TRPC7: variants seen among roughly 807,000 people sequenced by gnomAD.
TRPC7 encodes the protein short transient receptor potential channel 7.
TRPC7 carries 42 observed loss-of-function variants against 90.1 expected under a neutral mutation model. The observed-to-expected ratio is 0.47, with a 90% CI of 0.36 to 0.60. TRPC7 has a LOEUF of 0.60. Ranked by LOEUF, TRPC7 falls within the 20% of genes least tolerant of loss-of-function variation. The pLI is 0.00. For missense variants in TRPC7, 955 were observed against 1,112.3 expected (o/e 0.86, Z 2.01); for synonymous variants, 451 against 436.3 (o/e 1.03, Z -0.42).
intron 2 of TRPC7, among the ~76,000 whole-genome samples, chr5:136,351,080 A>G (rs1355295114): frequency 6.6e-6 from 1 of 152,234 alleles, no homozygotes; most frequent in Non-Finnish European, 1.5e-5. Flanking sequence ...TGTAAATGCT[A>G]TGTGAATAGT....
chr5:136,222,154 A>G (rs1465941112), intron 10 of TRPC7: 1 of 148,528 alleles, frequency 6.7e-6, no homozygotes, highest in Non-Finnish European at 1.5e-5. Context: ...CTGGAGCCTA[A>G]GGAAAAAAAA....
intron 2 of TRPC7, among the ~76,000 whole-genome samples, chr5:136,330,930 G>A (rs1580963554): frequency 6.6e-6 from 1 of 152,182 alleles, no homozygotes; most frequent in African/African-American, 2.4e-5. Flanking sequence ...AGCCCCAGCT[G>A]CTATCACTGT....
intron 3 of TRPC7, among the ~76,000 whole-genome samples, chr5:136,303,218 T>C (rs13182581): frequency 0.67 from 101,701 of 151,998 alleles, 34,998 homozygotes; most frequent in African/African-American, 0.85. Flanking sequence ...ATATAAAAAT[T>C]CAGCCCAGTT....
At chr5:136,341,103 C>A (rs1386730281) in intron 2 of TRPC7, among the ~76,000 whole-genome samples, 1 of 152,070 alleles carries the variant, frequency 6.6e-6, no homozygotes, top group Non-Finnish European at 1.5e-5. Context: ...GCTCTTTGAC[C>A]CAGCGACTCC....
intron 4 of TRPC7, among the ~76,000 whole-genome samples, chr5:136,268,518 T>TA (rs775698918): frequency 1.9e-4 from 29 of 152,202 alleles, no homozygotes; most frequent in Admixed American, 4.6e-4. Flanking sequence ...ATATGGGGTA[T>TA]ACCTCTCCAA....
Position 136,365,323 on chromosome 5 carries a change from T to G in TRPC7, c.-69A>C, listed in dbSNP as rs994190684. On this transcript the variant is annotated 5_prime_UTR_variant, in exon 1 of 12. Transcript: ENST00000513104. ...AATCCGGTGTTGAGTCGCCAGAAGC[T>G]GGCTCCCCATGGGTGGTAGCCAAGG... The G allele has an allele frequency of 1.1e-5, 16 of 1,498,104 alleles. No individual in the cohort carries two copies. Among genetic ancestry groups the G allele is most frequent in the Non-Finnish European group, 1.4e-5 (16 of 1,111,400 alleles). The allele number at this position is 1,498,104 out of a possible 1,614,324, so 92.8% of individuals were successfully genotyped here. A position where few individuals can be genotyped will look rare whatever the true frequency, so the allele number is the denominator to read the frequency against.
At chr5:136,298,096 C>A (rs1472578226) in intron 3 of TRPC7, among the ~76,000 whole-genome samples, 3 of 152,136 alleles carry the variant, frequency 2.0e-5, no homozygotes. Context: ...AGACAATAAA[C>A]AAGTAAACAA....
intron 5 of TRPC7, among the ~76,000 whole-genome samples, chr5:136,264,882 T>C (rs180766523): frequency 6.6e-6 from 1 of 152,292 alleles, no homozygotes; most frequent in East Asian, 1.9e-4. Flanking sequence ...TGAGCCACTG[T>C]GCCTGGCCGG....
intron 7 of TRPC7, among the ~76,000 whole-genome samples, chr5:136,240,432 T>A (rs183665514): frequency 3.9e-5 from 6 of 152,296 alleles, no homozygotes; most frequent in African/African-American, 1.4e-4. Context: ...CCACTTGGCA[T>A]AGAGTAGTTG....
intron 5 of TRPC7, 62 bp from the exon 6 acceptor site, chr5:136,251,944 A>C: frequency 1.6e-5 from 21 of 1,279,722 alleles, no homozygotes; most frequent in Non-Finnish European, 2.0e-5. Context: ...TGACCGCATG[A>C]GGTCATGGAG....
intron 2 of TRPC7, among the ~76,000 whole-genome samples, chr5:136,351,021 T>C (rs1185442453): frequency 6.6e-6 from 1 of 152,264 alleles, no homozygotes; most frequent in Non-Finnish European, 1.5e-5. Context: ...CCTATGCATA[T>C]CCTGTATACT....
intron 5 of TRPC7, among the ~76,000 whole-genome samples, chr5:136,265,500 G>C (rs1756993261): frequency 6.6e-6 from 1 of 151,826 alleles, no homozygotes; most frequent in Non-Finnish European, 1.5e-5. Context: ...GTAGTTTTCA[G>C]TGTCGGAAAA....
At chr5:136,345,883 G>C (rs1195765203) in intron 2 of TRPC7, among the ~76,000 whole-genome samples, 1 of 152,158 alleles carries the variant, frequency 6.6e-6, no homozygotes, top group Non-Finnish European at 1.5e-5. Flanking sequence ...TGTATAAGCT[G>C]TAAGGAAGGG....
chr5:136,230,093 T>C (rs1265552671), intron 8 of TRPC7, among the ~76,000 whole-genome samples: 1 of 152,244 alleles, frequency 6.6e-6, no homozygotes, highest in Non-Finnish European at 1.5e-5. Flanking sequence ...AGTGTGACTA[T>C]ATCACAGTTT....
chr5:136,354,964 G>C (rs1561731670), intron 2 of TRPC7, among the ~76,000 whole-genome samples: 1 of 152,176 alleles, frequency 6.6e-6, no homozygotes, highest in African/African-American at 2.4e-5. Flanking sequence ...CCTGAAAAAC[G>C]TGTCCCAGGA....
At chr5:136,271,087 C>G (rs1757196818) in intron 4 of TRPC7, among the ~76,000 whole-genome samples, 1 of 152,102 alleles carries the variant, frequency 6.6e-6, no homozygotes, top group East Asian at 1.9e-4. Flanking sequence ...AGAGATCTTT[C>G]AAAGCTGCCC....
In TRPC7 at chr5:136,356,635, T is replaced by C. The variant is rs752631527; in HGVS notation, c.753A>G (p.Arg251=). ...TALELSNELA[R]LANIETEFKN... ...TAAATTCAGTCTCAATGTTGGCTAG[T>C]CTGGCTAACTCGTTGCTGAGCTCCA... Residue 251 remains arginine, a synonymous_variant, in exon 2 of 12, where the codon AGA becomes AGG. Transcript: ENST00000513104. The C allele has an allele frequency of 6.5e-7, 1 of 1,548,184 alleles. No homozygotes were observed.
intron 3 of TRPC7, among the ~76,000 whole-genome samples, chr5:136,303,448 T>C (rs952879003): frequency 6.6e-6 from 1 of 152,112 alleles, no homozygotes; most frequent in Admixed American, 6.5e-5. Context: ...CAAGTAGCAA[T>C]GTATTTCTGA....
intron 2 of TRPC7, among the ~76,000 whole-genome samples, chr5:136,351,058 T>G (rs1760176909): frequency 6.6e-6 from 1 of 152,248 alleles, no homozygotes; most frequent in African/African-American, 2.4e-5. Context: ...GAATTTATAA[T>G]ACCCAATACA....
Sources: allele counts gnomAD v4.1 joint callset (sites outside exome capture counted in the v4.1 genomes callset), GRCh38; gene constraint gnomAD v4.1.1; transcripts MANE v1.5; gene names NCBI Gene and HGNC (gene_info 2026-07-23, HGNC 2026-07-21).